Variants in MIR2052HG observed in about 807,000 individuals in gnomAD.
MIR2052HG encodes the protein MIR2052 host gene.
chr8:74,673,910 T>TACATAC (rs1554575315), intron 2 of MIR2052HG, among the ~76,000 whole-genome samples: 13 of 133,210 alleles, frequency 9.8e-5, no homozygotes, highest in African/African-American at 4.1e-4. Flanking sequence ...TATATATATA[T>TACATAC]ACACACACAA....
chr8:74,656,002 G>T (rs1275637291), intron 2 of MIR2052HG, among the ~76,000 whole-genome samples: 1 of 152,106 alleles, frequency 6.6e-6, no homozygotes, highest in Admixed American at 6.6e-5. Flanking sequence ...GATCATTTTG[G>T]ACCTTAAAAT....
At chr8:74,648,765 A>T (rs960684021) in intron 2 of MIR2052HG, among the ~76,000 whole-genome samples, 3 of 152,202 alleles carry the variant, frequency 2.0e-5, no homozygotes, top group Non-Finnish European at 4.4e-5. Flanking sequence ...GGGTAAGTGA[A>T]CTAAGGAATA....
chr8:74,673,020 G>A (rs950944535), intron 2 of MIR2052HG, among the ~76,000 whole-genome samples: 3 of 152,020 alleles, frequency 2.0e-5, no homozygotes, highest in African/African-American at 7.2e-5. Context: ...CAAGATGAAT[G>A]AGACCTTCAA....
intron 2 of MIR2052HG, among the ~76,000 whole-genome samples, chr8:74,657,531 A>T (rs1205930655): frequency 1.3e-5 from 2 of 152,126 alleles, no homozygotes; most frequent in African/African-American, 4.8e-5. Context: ...CACTGTTTTA[A>T]TCCGTTTTCA....
chr8:74,615,510 A>T (rs930737376), intron 2 of MIR2052HG, among the ~76,000 whole-genome samples: 12 of 152,184 alleles, frequency 7.9e-5, no homozygotes, highest in Admixed American at 2.0e-4. Flanking sequence ...CACTCTTCAA[A>T]CTCAATATTT....
At chr8:74,710,923 T>C (rs1424880449) in intron 4 of MIR2052HG, among the ~76,000 whole-genome samples, 1 of 152,184 alleles carries the variant, frequency 6.6e-6, no homozygotes, top group African/African-American at 2.4e-5. Context: ...GGTGACTCTC[T>C]GATGTGAGCA....
chr8:74,691,311 A>G (rs1266790833), intron 2 of MIR2052HG, among the ~76,000 whole-genome samples: 1 of 152,142 alleles, frequency 6.6e-6, no homozygotes, highest in African/African-American at 2.4e-5. Context: ...CAGAAGATTT[A>G]TAGGATAAGA....
intron 2 of MIR2052HG, among the ~76,000 whole-genome samples, chr8:74,646,755 C>T: frequency 6.6e-6 from 1 of 151,954 alleles, no homozygotes; most frequent in South Asian, 2.1e-4. Flanking sequence ...CTGTAAGACC[C>T]TTTCTATATG....
chr8:74,607,852 G>A (rs1304898174), intron 1 of MIR2052HG, among the ~76,000 whole-genome samples: 2 of 152,132 alleles, frequency 1.3e-5, no homozygotes, highest in African/African-American at 2.4e-5. Context: ...TAAGGGTACC[G>A]CTTCACCTTT....
intron 2 of MIR2052HG, among the ~76,000 whole-genome samples, chr8:74,681,872 C>T (rs1246022388): frequency 1.3e-5 from 2 of 152,020 alleles, no homozygotes; most frequent in Non-Finnish European, 2.9e-5. Flanking sequence ...TATAGAGAGA[C>T]CAGAAACAGA....
rs117249208 is a variant in MIR2052HG at position 74,654,599 on chromosome 8, C to T, written n.216+41659C>T. Among the ~76,000 whole-genome samples the T allele has an allele frequency of 7.9e-5, 12 of 152,128 alleles. No homozygotes were observed. The East Asian group carries it at 1.7e-3, about 22-fold the overall frequency. On this transcript the variant is annotated intron_variant and non_coding_transcript_variant, in intron 2 of 6. Coordinates refer to ENST00000523442, the Ensembl canonical transcript of MIR2052HG. Reference sequence around the variant, plus strand: ...TTGCTTCTTGCTCATTTTCTCTTGCCGCTGTTATGTAAGGAGTACATTTTG... The same window carrying T: ...TTGCTTCTTGCTCATTTTCTCTTGCTGCTGTTATGTAAGGAGTACATTTTG...
chr8:74,721,410 A>G (rs546819911), intron 4 of MIR2052HG, among the ~76,000 whole-genome samples: 9 of 152,210 alleles, frequency 5.9e-5, no homozygotes, highest in Non-Finnish European at 1.3e-4. Context: ...TTATGAGTCA[A>G]CTGGGCATTT....
intron 4 of MIR2052HG, among the ~76,000 whole-genome samples, chr8:74,729,709 A>G (rs1312831487): frequency 6.6e-6 from 1 of 152,230 alleles, no homozygotes; most frequent in Non-Finnish European, 1.5e-5. Flanking sequence ...TCTTGAGCAC[A>G]TTAAAAATCC....
intron 2 of MIR2052HG, among the ~76,000 whole-genome samples, chr8:74,660,648 A>G (rs1808851974): frequency 6.6e-6 from 1 of 152,252 alleles, no homozygotes; most frequent in Non-Finnish European, 1.5e-5. Context: ...GAAAGGGTGT[A>G]GAGGACTTTC....
At chr8:74,630,475 A>G (rs557935452) in intron 2 of MIR2052HG, among the ~76,000 whole-genome samples, 1 of 151,970 alleles carries the variant, frequency 6.6e-6, no homozygotes, top group South Asian at 2.1e-4. Context: ...CTTTTACTCC[A>G]GAAAGAGGAA....
At chr8:74,671,179 A>G (rs879592484) in intron 2 of MIR2052HG, among the ~76,000 whole-genome samples, 2 of 151,666 alleles carry the variant, frequency 1.3e-5, no homozygotes, top group Non-Finnish European at 2.9e-5. Context: ...GAAAAGGAAG[A>G]AAAAAGAATA....
At chr8:74,623,235 A>G (rs1461883892) in intron 2 of MIR2052HG, among the ~76,000 whole-genome samples, 1 of 152,224 alleles carries the variant, frequency 6.6e-6, no homozygotes, top group East Asian at 1.9e-4. Context: ...ACATTAAAAC[A>G]TTATGCTGTA....
At chr8:74,707,494 A>C (rs1261143472) in intron 4 of MIR2052HG, among the ~76,000 whole-genome samples, 2 of 152,130 alleles carry the variant, frequency 1.3e-5, no homozygotes, top group Non-Finnish European at 2.9e-5. Context: ...TAGTCACTCA[A>C]AATATTCTTT....
intron 2 of MIR2052HG, among the ~76,000 whole-genome samples, chr8:74,643,009 C>G (rs979924082): frequency 9.2e-5 from 14 of 152,206 alleles, no homozygotes; most frequent in African/African-American, 3.1e-4. Context: ...TTCTGCACTT[C>G]CATTCCCTCC....
Sources: gnomAD v4.1 joint callset for allele counts (sites outside exome capture counted in the v4.1 genomes callset) on GRCh38, gnomAD v4.1.1 for gene constraint, MANE v1.5 for transcripts, NCBI Gene and HGNC (gene_info 2026-07-23, HGNC 2026-07-21) for gene names.